Variants in SUCLG2 observed in about 807,000 individuals in gnomAD.
The protein encoded by SUCLG2 is succinate--CoA ligase [GDP-forming] subunit beta, mitochondrial.
Under a neutral mutation model 47.9 loss-of-function variants are expected in SUCLG2, and 42 were observed. That is an observed-to-expected ratio of 0.88 (90% CI 0.69 to 1.14). The LOEUF is 1.14. Ranked by LOEUF, SUCLG2 falls within the 50% of genes most tolerant of loss-of-function variation. SUCLG2 has a pLI of 0.00. For synonymous variants in SUCLG2, 195 were observed against 197.3 expected (o/e 0.99, Z 0.10); for missense variants, 571 against 525.9 (o/e 1.09, Z -0.84).
At chr3:67,501,234 A>G (rs990954531) in intron 7 of SUCLG2, among the ~76,000 whole-genome samples, 1 of 152,192 alleles carries the variant, frequency 6.6e-6, no homozygotes, top group Admixed American at 6.5e-5. Context: ...AGGACTTAGG[A>G]CTTAAGAAAG....
chr3:67,381,442 G>A lies in SUCLG2; in HGVS notation c.1184-5583C>T, dbSNP rs550599246. Among the ~76,000 whole-genome samples the A allele has an allele frequency of 8.5e-5, 13 of 152,258 alleles. No homozygotes were observed. In the East Asian group the frequency reaches 9.7e-4, roughly 11 times the overall value. The stretch of plus-strand genomic sequence containing the variant: ...TTACTTCTAAATAGAAATTATCATA[G>A]CTGCTTTAAACTCTGACATGGAATT... On this transcript the variant is annotated intron_variant, in intron 10 of 10. Coordinates refer to ENST00000307227, the MANE Select transcript of SUCLG2 (RefSeq NM_003848.4).
chr3:67,615,621 A>ACACACACACACACACACACAC (rs1553670704), intron 1 of SUCLG2, among the ~76,000 whole-genome samples: 2 of 142,086 alleles, frequency 1.4e-5, no homozygotes, highest in African/African-American at 5.3e-5. Flanking sequence ...CACAAACACA[A>ACACACACACACACACACACAC]ACACACACAC....
At chr3:67,595,506 A>G (rs547308494) in intron 2 of SUCLG2, among the ~76,000 whole-genome samples, 1 of 152,124 alleles carries the variant, frequency 6.6e-6, no homozygotes, top group Non-Finnish European at 1.5e-5. Context: ...CTTTGGGAGA[A>G]AGAGGGTGTG....
At chr3:67,390,531 G>C (rs776530533) in intron 10 of SUCLG2, among the ~76,000 whole-genome samples, 2 of 152,190 alleles carry the variant, frequency 1.3e-5, no homozygotes, top group Non-Finnish European at 2.9e-5. Flanking sequence ...AACTGAGACA[G>C]AGGATTATTT....
chr3:67,503,460 G>A (rs765970485), intron 7 of SUCLG2, among the ~76,000 whole-genome samples: 2 of 152,296 alleles, frequency 1.3e-5, no homozygotes, highest in African/African-American at 2.4e-5. Context: ...TTGAATTGAC[G>A]TGTTAAAAAT....
chr3:67,468,676 T>C (rs777705730), intron 9 of SUCLG2, among the ~76,000 whole-genome samples: 3 of 152,090 alleles, frequency 2.0e-5, no homozygotes, highest in Non-Finnish European at 2.9e-5. Context: ...AATTGAGTCA[T>C]CACACGGCTC....
At chr3:67,411,322 G>A (rs1702927927) in intron 9 of SUCLG2, among the ~76,000 whole-genome samples, 2 of 151,994 alleles carry the variant, frequency 1.3e-5, no homozygotes, top group East Asian at 1.9e-4. Context: ...TTTAGTTAAT[G>A]GCAAAACCCA....
intron 9 of SUCLG2, among the ~76,000 whole-genome samples, chr3:67,488,354 G>A (rs1222223643): frequency 6.6e-6 from 1 of 152,046 alleles, no homozygotes; most frequent in Non-Finnish European, 1.5e-5. Flanking sequence ...CTAATTCTCT[G>A]ACAGTGGGTG....
intron 9 of SUCLG2, 100 bp from the exon 10 acceptor site, chr3:67,400,951 G>GT (rs1190054602): frequency 4.0e-6 from 6 of 1,514,462 alleles, no homozygotes; most frequent in East Asian, 4.9e-5. Flanking sequence ...AAGACTGCTC[G>GT]TTTTTTTGTT....
rs961106725 is a variant in SUCLG2 at position 67,375,034 on chromosome 3, C to G, written c.*710G>C. The G allele has an allele frequency of 1.0e-6, 1 of 985,614 alleles. No homozygotes were observed. The highest frequency in any genetic ancestry group is 1.7e-5 in the African/African-American group (1 of 57,218). The allele number at this position is 985,614 out of a possible 1,614,324, so 61.1% of individuals were successfully genotyped here. ...TTCATTTTTGACACAAAAATGGAAG[C>G]TTCCACTCCCAAAATCACAAATAAG... On this transcript the variant is annotated 3_prime_UTR_variant, in exon 11 of 11. Transcript: ENST00000307227.
At chr3:67,636,637 C>T (rs1215734859) in intron 1 of SUCLG2, among the ~76,000 whole-genome samples, 1 of 152,106 alleles carries the variant, frequency 6.6e-6, no homozygotes, top group African/African-American at 2.4e-5. Context: ...CAGGCGTGAG[C>T]CACTGCACCC....
At chr3:67,575,764 G>T (rs947062420) in intron 2 of SUCLG2, among the ~76,000 whole-genome samples, 1 of 152,166 alleles carries the variant, frequency 6.6e-6, no homozygotes, top group East Asian at 1.9e-4. Context: ...ATCCTGGTAG[G>T]AAGCATGTGT....
intron 9 of SUCLG2, among the ~76,000 whole-genome samples, chr3:67,423,284 C>T (rs1367026835): frequency 6.6e-6 from 1 of 152,106 alleles, no homozygotes; most frequent in Non-Finnish European, 1.5e-5. Context: ...GTGCCTTCTG[C>T]CATGATTGTA....
chr3:67,609,725 G>GA (rs11286754), intron 1 of SUCLG2, 129 bp from the exon 2 acceptor site: 5,525 of 665,628 alleles, frequency 8.3e-3, no homozygotes, highest in South Asian at 0.018. Flanking sequence ...AGAAGCAAAA[G>GA]AAAAAAAAAA....
At chr3:67,476,838 C>T (rs143891738) in intron 9 of SUCLG2, among the ~76,000 whole-genome samples, 2 of 152,176 alleles carry the variant, frequency 1.3e-5, no homozygotes, top group Non-Finnish European at 2.9e-5. Context: ...TGGAAGATAA[C>T]AGGAAAAAAT....
chr3:67,510,968 G>A (rs1195775935), intron 6 of SUCLG2, among the ~76,000 whole-genome samples: 1 of 145,248 alleles, frequency 6.9e-6, no homozygotes, highest in Non-Finnish European at 1.5e-5. Flanking sequence ...TCAGCTCACT[G>A]CAACCTCCAC....
chr3:67,478,769 C>T (rs1410593526), intron 9 of SUCLG2, among the ~76,000 whole-genome samples: 2 of 152,164 alleles, frequency 1.3e-5, no homozygotes, highest in African/African-American at 4.8e-5. Context: ...TACACGAGTT[C>T]CTGAGACAGA....
intron 1 of SUCLG2, among the ~76,000 whole-genome samples, chr3:67,647,846 C>A (rs2107381774): frequency 6.6e-6 from 1 of 152,198 alleles, no homozygotes; most frequent in Non-Finnish European, 1.5e-5. Context: ...AAGCTGGGAA[C>A]AATAACTCCT....
chr3:67,598,713 C>G (rs557934635), intron 2 of SUCLG2, among the ~76,000 whole-genome samples: 31 of 152,280 alleles, frequency 2.0e-4, no homozygotes, highest in African/African-American at 7.0e-4. Flanking sequence ...ATGTGGAACA[C>G]ACTATTTACC....
Sources: allele counts gnomAD v4.1 joint callset (sites outside exome capture counted in the v4.1 genomes callset), GRCh38; gene constraint gnomAD v4.1.1; transcripts MANE v1.5; gene names NCBI Gene and HGNC (gene_info 2026-07-23, HGNC 2026-07-21).